Variants in FRMPD2 observed in about 807,000 individuals in gnomAD.
FRMPD2 encodes the protein FERM and PDZ domain-containing protein 2.
A neutral mutation model predicts 140.1 loss-of-function variants in FRMPD2; 96 were observed. The ratio of observed to expected loss-of-function variants is 0.69; its 90% confidence interval spans 0.58 to 0.81. FRMPD2 has a LOEUF of 0.81. Ranked by LOEUF, FRMPD2 falls within the 40% of genes least tolerant of loss-of-function variation. The pLI, the probability that FRMPD2 is intolerant of heterozygous loss-of-function variation, is 0.00. For missense variants in FRMPD2, 1,240 were observed against 1,447.4 expected (o/e 0.86, Z 2.32); for synonymous variants, 449 against 547.6 (o/e 0.82, Z 2.52).
rs191864539 is a variant in FRMPD2 at position 48,174,507 on chromosome 10, G to A, written c.3075+363C>T. Among the ~76,000 whole-genome samples, 390 of 152,108 alleles carry A rather than the reference G, an allele frequency of 2.6e-3. 2 individuals carry two copies. The highest frequency in any genetic ancestry group is 8.9e-3 in the African/African-American group (371 of 41,508). On this transcript the variant is annotated intron_variant, in intron 24 of 28. Transcript: ENST00000374201. ...CTATGCAAACGTAGGGAGGTAAGAAGGCCCATGGACACAGGGCCAGCGGGG... is the reference window on the plus strand; with the variant it reads ...CTATGCAAACGTAGGGAGGTAAGAAAGCCCATGGACACAGGGCCAGCGGGG...
At chr10:48,210,285 G>A (rs184976155) in intron 13 of FRMPD2, among the ~76,000 whole-genome samples, 2 of 152,292 alleles carry the variant, frequency 1.3e-5, no homozygotes, top group African/African-American at 2.4e-5. Context: ...AACTGCAAAA[G>A]CAAGAGTGCT....
At chr10:48,260,744 T>G (rs1396012860) in intron 1 of FRMPD2, among the ~76,000 whole-genome samples, 1 of 152,132 alleles carries the variant, frequency 6.6e-6, no homozygotes. Flanking sequence ...AACAAAAAAT[T>G]ACAAGTCATG....
chr10:48,207,575 C>T (rs942028167), intron 13 of FRMPD2, among the ~76,000 whole-genome samples: 2 of 152,172 alleles, frequency 1.3e-5, no homozygotes, highest in African/African-American at 4.8e-5. Context: ...GAGCTGGGGA[C>T]TGCGTTAGGC....
Position 48,242,299 on chromosome 10 carries a change from G to A in FRMPD2, c.429C>T (p.Asp143=). 4 of 1,614,156 alleles carry A rather than the reference G, an allele frequency of 2.5e-6. No individual in the cohort carries two copies. The highest frequency in any genetic ancestry group is 3.4e-6 in the Non-Finnish European group (4 of 1,180,016). The change falls in exon 5 of 29, where the codon GAC becomes GAT. Residue 143 remains aspartate, a synonymous_variant. Transcript: ENST00000374201. The part of the protein sequence containing the change: ...LHSILLTMCE[D]QPHRRCTLQS... ...GCAACGTGCACCGCCTGTGAGGCTG[G>A]TCTTCACACATGGTCAGCAGGATGG...
intron 12 of FRMPD2, among the ~76,000 whole-genome samples, chr10:48,221,611 AT>A (rs1412034002): frequency 6.6e-6 from 1 of 152,236 alleles, no homozygotes; most frequent in African/African-American, 2.4e-5. Context: ...ATATAAATAA[AT>A]TTTAAAAATA....
chr10:48,192,947 A>C (rs896423570), intron 15 of FRMPD2, 53 bp from the exon 16 acceptor site: 1 of 1,355,426 alleles, frequency 7.4e-7, no homozygotes, highest in Non-Finnish European at 1.0e-6. Flanking sequence ...ATGATGCTGG[A>C]TCCATTGCTC....
intron 1 of FRMPD2, among the ~76,000 whole-genome samples, chr10:48,259,906 A>G (rs1028099479): frequency 6.6e-6 from 1 of 152,168 alleles, no homozygotes; most frequent in South Asian, 2.1e-4. Context: ...AGAGAAAAAC[A>G]AGAACAACAG....
intron 4 of FRMPD2, among the ~76,000 whole-genome samples, chr10:48,242,555 G>C (rs1840147634): frequency 6.6e-6 from 1 of 152,270 alleles, no homozygotes; most frequent in South Asian, 2.1e-4. Flanking sequence ...CATCTCTGCA[G>C]CAATTCTGTG....
chr10:48,242,428 G>C, intron 4 of FRMPD2, 76 bp from the exon 5 acceptor site: 1 of 1,350,012 alleles, frequency 7.4e-7, no homozygotes. Context: ...TGTCAGGCAG[G>C]CCTTGGAGAC....
rs561957692 is a variant in FRMPD2, at chr10:48,236,495, G to A, written c.980C>T (p.Pro327Leu). ...CCCAGTAGTTACCACAACCGATCCCGGCAGATGTAGTGTCATCGGGGCCTC... is the reference window on the plus strand; with the variant it reads ...CCCAGTAGTTACCACAACCGATCCCAGCAGATGTAGTGTCATCGGGGCCTC... ...AGEAPMTLHL[P>L]GSVVTKKGKS... The change falls in exon 9 of 29, where the codon CCG (proline) becomes CTG (leucine). Residue 327 changes from proline (P) to leucine (L), a missense_variant. By Grantham distance (98) the Pro-to-Leu change is moderately conservative. Transcript: ENST00000374201. 34 of 1,614,080 alleles carry A rather than the reference G, an allele frequency of 2.1e-5. No homozygotes were observed. Among genetic ancestry groups the A allele is most frequent in the East Asian group, 1.3e-4 (6 of 44,886 alleles).
At chr10:48,241,147 T>C (rs1840096390) in intron 5 of FRMPD2, among the ~76,000 whole-genome samples, 1 of 152,280 alleles carries the variant, frequency 6.6e-6, no homozygotes, top group East Asian at 1.9e-4. Context: ...AGGAGCCACA[T>C]GTTCCTATGC....
At chr10:48,189,513 T>C (rs1189812257) in intron 16 of FRMPD2, among the ~76,000 whole-genome samples, 1 of 152,246 alleles carries the variant, frequency 6.6e-6, no homozygotes, top group Non-Finnish European at 1.5e-5. Flanking sequence ...TGTGGTCATA[T>C]GCCCAGGCTT....
chr10:48,215,650 T>C (rs938137892), intron 12 of FRMPD2, among the ~76,000 whole-genome samples: 9 of 152,078 alleles, frequency 5.9e-5, no homozygotes, highest in African/African-American at 2.2e-4. Context: ...GGGGGCCACA[T>C]GGGGGCAGCA....
chr10:48,214,906 T>C (rs932462894), intron 12 of FRMPD2, among the ~76,000 whole-genome samples: 12 of 152,200 alleles, frequency 7.9e-5, no homozygotes, highest in Admixed American at 7.2e-4. Flanking sequence ...CCGGAGGACA[T>C]GTACCATTGA....
In FRMPD2 at chr10:48,242,286, G is replaced by A. The variant is rs1427226263; in HGVS notation, c.442C>T (p.Arg148Trp). 20 of 1,614,030 alleles carry A rather than the reference G, an allele frequency of 1.2e-5. No individual in the cohort carries two copies. Among genetic ancestry groups the A allele is most frequent in the East Asian group, 2.2e-5 (1 of 44,882 alleles). ...LTMCEDQPHR[R>W]CTLQSVLEAC... ...TCCAGAACCGACTGCAACGTGCACC[G>A]CCTGTGAGGCTGGTCTTCACACATG... The change falls in exon 5 of 29, where the codon CGG becomes TGG. Residue 148 changes from arginine to tryptophan, a missense_variant. Arg to Trp is a moderately radical substitution (Grantham distance 101). Transcript: ENST00000374201.
At chr10:48,176,644 C>T (rs1838416859) in intron 22 of FRMPD2, among the ~76,000 whole-genome samples, 1 of 152,134 alleles carries the variant, frequency 6.6e-6, no homozygotes, top group Admixed American at 6.5e-5. Context: ...CAAAGGAAAT[C>T]ATCAACCTCT....
intron 28 of FRMPD2, among the ~76,000 whole-genome samples, chr10:48,157,849 A>C (rs1330640779): frequency 2.8e-5 from 4 of 142,794 alleles, no homozygotes; most frequent in Admixed American, 2.1e-4. Context: ...GGAAAGAAAC[A>C]TTCAAGAAGT....
chr10:48,250,710 T>C lies in FRMPD2; in HGVS notation c.151+856A>G, dbSNP rs952275557. ...TGAGTAAGCCACCACACCAGCGTTT[T>C]CTTATGCCTTACAGTTGCTCTTCAA... On this transcript the variant is annotated intron_variant, in intron 2 of 28. Transcript: ENST00000374201. 3.3e-5 allele frequency among the ~76,000 whole-genome samples: 5 copies of C among 151,730 alleles called. No homozygotes were observed. The East Asian group carries it at 9.8e-4, about 30-fold the overall frequency.
intron 14 of FRMPD2, among the ~76,000 whole-genome samples, chr10:48,203,950 G>T (rs1252911730): frequency 1.3e-5 from 2 of 152,140 alleles, no homozygotes; most frequent in East Asian, 3.8e-4. Context: ...GATACACTTG[G>T]TTTAGATTTA....
Sources: gnomAD v4.1 joint callset for allele counts (sites outside exome capture counted in the v4.1 genomes callset) on GRCh38, gnomAD v4.1.1 for gene constraint, MANE v1.5 for transcripts, NCBI Gene and HGNC (gene_info 2026-07-23, HGNC 2026-07-21) for gene names.